The following UHRF1 variants were observed in gnomAD, a reference collection of about 807,000 sequenced individuals.
UHRF1 encodes ubiquitin like with PHD and ring finger domains 1.
Under a neutral mutation model 96.5 loss-of-function variants are expected in UHRF1, and 9 were observed. The ratio of observed to expected loss-of-function variants is 0.09; its 90% CI spans 0.06 to 0.16. The LOEUF is 0.16. Among genes scored for constraint, UHRF1 ranks in the 10% least tolerant of loss-of-function variants. UHRF1 has a pLI of 1.00. For missense variants in UHRF1, 626 were observed against 1,131.1 expected (o/e 0.55, Z 6.40); for synonymous variants, 455 against 469.9 (o/e 0.97, Z 0.41).
At chr19:4,923,450 G>A (rs1357259095) in intron 2 of UHRF1, among the ~76,000 whole-genome samples, 2 of 152,178 alleles carry the variant, frequency 1.3e-5, no homozygotes, top group Non-Finnish European at 2.9e-5. Context: ...CTCTGCAGTG[G>A]TCTGGTTTCC....
rs952256998 is a variant in UHRF1, at chr19:4,909,640, C to G, written c.-26C>G. ...CACGCGCGCAGGCAGACAAGCTGTT[C>G]GCGGCGACCGGAGAGGTGAGCGGGC... On this transcript the variant is annotated 5_prime_UTR_variant, in exon 1 of 17. Transcript: ENST00000650932. 4 of 572,552 alleles carry G rather than the reference C, an allele frequency of 7.0e-6. No individual in the cohort carries two copies. The highest frequency in any genetic ancestry group is 2.0e-5 in the African/African-American group (1 of 50,330). The allele number at this position is 572,552 out of a possible 1,614,324, so 35.5% of individuals were successfully genotyped here. A position where few individuals can be genotyped will look rare whatever the true frequency, so the allele number is the denominator to read the frequency against.
chr19:4,916,921 A>C (rs2032529165), intron 2 of UHRF1, among the ~76,000 whole-genome samples: 2 of 152,016 alleles, frequency 1.3e-5, no homozygotes, highest in South Asian at 4.2e-4. Context: ...CTGAGCTCCT[A>C]AACTTCTGGT....
At chr19:4,922,820 T>C (rs1225782438) in intron 2 of UHRF1, among the ~76,000 whole-genome samples, 2 of 152,178 alleles carry the variant, frequency 1.3e-5, no homozygotes, top group Admixed American at 1.3e-4. Context: ...CCCGCCCCAT[T>C]TGCCCCTGTC....
chr19:4,921,932 G>A (rs550943763), intron 2 of UHRF1, among the ~76,000 whole-genome samples: 2 of 152,230 alleles, frequency 1.3e-5, no homozygotes, highest in East Asian at 1.9e-4. Flanking sequence ...TTAAAAACTC[G>A]ATTTTTATTT....
chr19:4,951,021 C>G (rs764614649), intron 13 of UHRF1, 25 bp downstream of exon 13: 11 of 1,576,330 alleles, frequency 7.0e-6, no homozygotes, highest in African/African-American at 1.4e-5. Context: ...GGGGATGGCA[C>G]TTTGGGAGGC....
intron 5 of UHRF1, among the ~76,000 whole-genome samples, chr19:4,937,062 C>T (rs1294303762): frequency 6.6e-6 from 1 of 151,780 alleles, no homozygotes; most frequent in African/African-American, 2.4e-5. Context: ...GAGACGGAGT[C>T]TCGCTCTCTT....
intron 16 of UHRF1, among the ~76,000 whole-genome samples, chr19:4,958,603 G>A (rs182367728): frequency 2.0e-5 from 3 of 152,370 alleles, no homozygotes; most frequent in Admixed American, 6.5e-5. Context: ...TTGTTGCTCT[G>A]TTCCAACTTG....
At chr19:4,957,300 T>G (rs1019684633) in intron 16 of UHRF1, among the ~76,000 whole-genome samples, 4 of 30,802 alleles carry the variant, frequency 1.3e-4, no homozygotes, top group Non-Finnish European at 2.8e-4. Context: ...GCTGATGGTT[T>G]TTTTTTTTTT....
chr19:4,941,430 T>G, intron 5 of UHRF1, 98 bp from the exon 6 acceptor site: 1 of 873,840 alleles, frequency 1.1e-6, no homozygotes, highest in South Asian at 1.5e-5. Flanking sequence ...GCTGAGCTGT[T>G]GCCCCAGGCA....
chr19:4,934,017 A>C (rs1177463467), intron 5 of UHRF1, among the ~76,000 whole-genome samples: 1 of 148,992 alleles, frequency 6.7e-6, no homozygotes, highest in Non-Finnish European at 1.5e-5. Flanking sequence ...ATGTAACAGA[A>C]AATTTACCTT....
chr19:4,939,048 G>A (rs368707190), intron 5 of UHRF1, among the ~76,000 whole-genome samples: 10 of 151,442 alleles, frequency 6.6e-5, no homozygotes, highest in African/African-American at 2.4e-4. Flanking sequence ...CGAGTAGCTG[G>A]GATTACAGGC....
At chr19:4,927,087 C>CAA (rs888841125) in intron 2 of UHRF1, among the ~76,000 whole-genome samples, 12 of 148,312 alleles carry the variant, frequency 8.1e-5, no homozygotes, top group Admixed American at 1.3e-4. Flanking sequence ...CAAAACAAAA[C>CAA]AAAAAAAAAC....
upstream of UHRF1, among the ~76,000 whole-genome samples, chr19:4,906,371 C>G (rs1443096485): frequency 1.3e-5 from 2 of 152,178 alleles, no homozygotes; most frequent in African/African-American, 2.4e-5. Flanking sequence ...AGTATCTTTT[C>G]TGCAGGGAGG....
intron 5 of UHRF1, among the ~76,000 whole-genome samples, chr19:4,938,898 C>T (rs1408875151): frequency 6.7e-6 from 1 of 150,016 alleles, no homozygotes; most frequent in East Asian, 2.0e-4. Context: ...CGTGCACCAC[C>T]ATGCCTGACT....
Position 4,910,969 on chromosome 19 carries a change from G to A in UHRF1, c.84G>A (p.Leu28=). 1.2e-6 allele frequency: 2 copies of A among 1,613,376 alleles called. No homozygotes were observed. The highest frequency in any genetic ancestry group is 1.7e-6 in the Non-Finnish European group (2 of 1,179,492). ...CCAGGCTGACCAAGGTGGAGGAGCTGAGGCGGAAGATCCAGGAGCTGTTCC... is the reference window on the plus strand; with the variant it reads ...CCAGGCTGACCAAGGTGGAGGAGCTAAGGCGGAAGATCCAGGAGCTGTTCC... ...SLSRLTKVEE[L]RRKIQELFHV... is the part of the protein sequence containing the mutation. Residue 28 remains leucine, a synonymous_variant, in exon 2 of 17, where the codon CTG becomes CTA. Coordinates refer to ENST00000650932, the MANE Select transcript of UHRF1 (RefSeq NM_001048201.3).
rs1409413484 is a variant in UHRF1, at chr19:4,909,525, A to G, written c.-141A>G. On this transcript the variant is annotated 5_prime_UTR_variant, in exon 1 of 17. Transcript: ENST00000650932. ...CAGAGCAGCTGGCAGCGCGGCGGGC[A>G]GCGTTTGCCGAGCGGGCGCTCCGGG... The G allele has an allele frequency of 3.0e-6, 2 of 658,478 alleles. No individual in the cohort carries two copies. Among genetic ancestry groups the G allele is most frequent in the East Asian group, 3.2e-5 (1 of 31,354 alleles). 40.8% of individuals were successfully genotyped at this position (658,478 alleles called of 1,614,324 possible).
chr19:4,937,288 G>A (rs1056298891), intron 5 of UHRF1, among the ~76,000 whole-genome samples: 3 of 138,118 alleles, frequency 2.2e-5, no homozygotes, highest in Non-Finnish European at 4.6e-5. Context: ...GGTATAGATG[G>A]GCCACTTTTT....
In UHRF1 at chr19:4,944,328, C is replaced by T. The variant is rs1324297575; in HGVS notation, c.1198-15C>T. The T allele has an allele frequency of 6.2e-7, 1 of 1,614,050 alleles. No homozygotes were observed. Among genetic ancestry groups the T allele is most frequent in the Non-Finnish European group, 8.5e-7 (1 of 1,179,886 alleles). On this transcript the variant is annotated splice_polypyrimidine_tract_variant and intron_variant, in intron 8 of 16. Coordinates refer to ENST00000650932, the MANE Select transcript of UHRF1 (RefSeq NM_001048201.3). Reference sequence around the variant, plus strand: ...GGGCTCACGCTGTTGTTCTTTGTGTCTGTGCCTGGGACAGGGCATGGCCTG... The same window carrying T: ...GGGCTCACGCTGTTGTTCTTTGTGTTTGTGCCTGGGACAGGGCATGGCCTG...
rs781122374 is a variant in UHRF1, at chr19:4,960,693, A to C, written c.2272A>C (p.Ser758Arg). ...LDRSFRAQVFSCPACRYDLGR... is the reference protein window; with the variant it reads ...LDRSFRAQVFRCPACRYDLGR... ...CAGATCCTTTCGGGCACAGGTGTTC[A>C]GCTGCCCTGCCTGCCGCTACGACCT... is the stretch of plus-strand genomic sequence containing the variant. Residue 758 changes from serine to arginine, a missense_variant, in exon 17 of 17, where the codon AGC becomes CGC. By Grantham distance (110) the Ser-to-Arg change is moderately radical. This residue lies in a region of UHRF1 where 84 missense variants were observed against 150.3 expected (regional missense o/e 0.56). Coordinates refer to ENST00000650932, the MANE Select transcript of UHRF1 (RefSeq NM_001048201.3). The C allele has an allele frequency of 2.5e-6, 4 of 1,606,880 alleles. No homozygotes were observed. In the Admixed American group the frequency reaches 6.8e-5, roughly 27 times the overall value.
Sources: allele counts gnomAD v4.1 joint callset (sites outside exome capture counted in the v4.1 genomes callset), GRCh38; gene constraint gnomAD v4.1.1; regional missense constraint gnomAD v4.1.1; transcripts MANE v1.5; gene names NCBI Gene and HGNC (gene_info 2026-07-23, HGNC 2026-07-21).